The following SSBP2 variants were observed in gnomAD, a reference collection of about 807,000 sequenced individuals.
SSBP2 encodes single stranded DNA binding protein 2, also known as single-stranded DNA-binding protein 2.
A neutral mutation model predicts 61.8 loss-of-function variants in SSBP2; 17 were observed. That is an observed-to-expected ratio of 0.28 (90% CI 0.19 to 0.41). The LOEUF (loss-of-function observed/expected upper bound fraction) is 0.41, where lower values mean the gene tolerates loss of function less well. Among genes scored for constraint, SSBP2 ranks in the 10% least tolerant of loss-of-function variants. SSBP2 has a pLI of 1.00. For synonymous variants in SSBP2, 139 were observed against 141.3 expected (o/e 0.98, Z 0.12); for missense variants, 310 against 458.7 (o/e 0.68, Z 2.96).
chr5:81,481,543 C>G (rs1228929543), intron 6 of SSBP2, among the ~76,000 whole-genome samples: 1 of 151,028 alleles, frequency 6.6e-6, no homozygotes, highest in Non-Finnish European at 1.5e-5. Flanking sequence ...TCGCTTGAAC[C>G]TGGGAGGTGG....
At chr5:81,666,500 A>T (rs1225023910) in intron 1 of SSBP2, among the ~76,000 whole-genome samples, 1 of 152,218 alleles carries the variant, frequency 6.6e-6, no homozygotes, top group East Asian at 1.9e-4. Context: ...CCAGAAATGT[A>T]AACACTTACC....
intron 3 of SSBP2, among the ~76,000 whole-genome samples, chr5:81,616,790 G>C (rs1449686757): frequency 6.6e-6 from 1 of 151,802 alleles, no homozygotes; most frequent in Non-Finnish European, 1.5e-5. Context: ...GTGGGTCCCT[G>C]ACCCCTGTGC....
At chr5:81,448,883 C>A in intron 10 of SSBP2, 58 bp from the exon 11 acceptor site, 2 of 1,268,636 alleles carry the variant, frequency 1.6e-6, no homozygotes, top group Non-Finnish European at 2.3e-6. Context: ...GGACACTGAC[C>A]TAAAATGAAT....
chr5:81,423,938 AT>A (rs942443937), intron 16 of SSBP2, among the ~76,000 whole-genome samples: 22 of 152,230 alleles, frequency 1.4e-4, no homozygotes, highest in Middle Eastern at 3.4e-3. Flanking sequence ...AACTGTTAAC[AT>A]TTTTTTATCT....
At chr5:81,727,027 A>G (rs1477544753) in intron 1 of SSBP2, among the ~76,000 whole-genome samples, 1 of 152,220 alleles carries the variant, frequency 6.6e-6, no homozygotes, top group East Asian at 1.9e-4. Flanking sequence ...AGTGTTCATC[A>G]GAAGCAAATT....
At chr5:81,601,837 C>T (rs191835682) in intron 4 of SSBP2, among the ~76,000 whole-genome samples, 46 of 152,220 alleles carry the variant, frequency 3.0e-4, no homozygotes, top group African/African-American at 1.1e-3. Flanking sequence ...AGTACCATTC[C>T]TCTCAATCTG....
At chr5:81,629,496 G>C (rs952318099) in intron 3 of SSBP2, among the ~76,000 whole-genome samples, 3 of 152,230 alleles carry the variant, frequency 2.0e-5, no homozygotes, top group Non-Finnish European at 4.4e-5. Context: ...CAAATTACCT[G>C]TCATTACTTG....
chr5:81,671,540 C>T (rs1165618344), intron 1 of SSBP2, among the ~76,000 whole-genome samples: 4 of 152,058 alleles, frequency 2.6e-5, no homozygotes, highest in Non-Finnish European at 4.4e-5. Context: ...AAGGATAATT[C>T]TAAACATCAA....
intron 1 of SSBP2, among the ~76,000 whole-genome samples, chr5:81,689,974 T>A (rs987568532): frequency 6.6e-6 from 1 of 151,126 alleles, no homozygotes; most frequent in Non-Finnish European, 1.5e-5. Context: ...AAATGTAGAG[T>A]TTTTACTAGT....
intron 5 of SSBP2, among the ~76,000 whole-genome samples, chr5:81,509,251 G>C (rs1768412544): frequency 6.6e-6 from 1 of 152,054 alleles, no homozygotes; most frequent in Non-Finnish European, 1.5e-5. Context: ...TCCTTGCCTT[G>C]TACTGAACTA....
chr5:81,577,219 AT>A (rs1276351371), intron 4 of SSBP2, among the ~76,000 whole-genome samples: 1 of 151,966 alleles, frequency 6.6e-6, no homozygotes, highest in African/African-American at 2.4e-5. Context: ...TAGTATTTTT[AT>A]TTTGCCTTTT....
At chr5:81,699,376 G>A (rs1753808451) in intron 1 of SSBP2, among the ~76,000 whole-genome samples, 1 of 152,202 alleles carries the variant, frequency 6.6e-6, no homozygotes, top group African/African-American at 2.4e-5. Context: ...TGGAGTCAAT[G>A]CTCTCAAACC....
intron 1 of SSBP2, 139 bp downstream of exon 1, chr5:81,750,842 T>G: frequency 1.1e-6 from 1 of 950,096 alleles, no homozygotes; most frequent in East Asian, 2.7e-5. Flanking sequence ...CACGCCCCCA[T>G]CGCGGCACCC....
chr5:81,473,384 T>G (rs1391255580), intron 8 of SSBP2, among the ~76,000 whole-genome samples: 4 of 152,170 alleles, frequency 2.6e-5, no homozygotes, highest in African/African-American at 4.8e-5. Flanking sequence ...ATTAGCGATT[T>G]GTCCCAATGC....
chr5:81,605,507 C>T (rs1461886239), intron 4 of SSBP2, among the ~76,000 whole-genome samples: 1 of 152,076 alleles, frequency 6.6e-6, no homozygotes, highest in Non-Finnish European at 1.5e-5. Flanking sequence ...TAAGCATCTG[C>T]TGCCCTTTGC....
chr5:81,612,718 AAAGT>A (rs1745573837), intron 4 of SSBP2, among the ~76,000 whole-genome samples: 1 of 152,104 alleles, frequency 6.6e-6, no homozygotes, highest in Admixed American at 6.5e-5. Context: ...GCTACTGAAG[AAAGT>A]ATTTTTTAGA....
intron 2 of SSBP2, among the ~76,000 whole-genome samples, chr5:81,648,554 AAT>A (rs1749467078): frequency 6.6e-6 from 1 of 152,118 alleles, no homozygotes; most frequent in African/African-American, 2.4e-5. Context: ...AACTATTGGC[AAT>A]GAGTTGTCTG....
intron 15 of SSBP2, among the ~76,000 whole-genome samples, chr5:81,435,930 G>A (rs1762643367): frequency 2.0e-5 from 3 of 152,146 alleles, no homozygotes; most frequent in Admixed American, 2.0e-4. Context: ...GGTCACGCCT[G>A]TAATCCCAGC....
At chr5:81,492,509 AAAACG>A (rs1766933080) in intron 5 of SSBP2, among the ~76,000 whole-genome samples, 1 of 152,186 alleles carries the variant, frequency 6.6e-6, no homozygotes, top group African/African-American at 2.4e-5. Flanking sequence ...TTCTCAAAAC[AAAACG>A]AAACAAAAAA....
Sources: gnomAD v4.1 joint callset for allele counts (sites outside exome capture counted in the v4.1 genomes callset) on GRCh38, gnomAD v4.1.1 for gene constraint, MANE v1.5 for transcripts, NCBI Gene and HGNC (gene_info 2026-07-23, HGNC 2026-07-21) for gene names.